CRKL: variants seen among roughly 807,000 people sequenced by gnomAD.
CRKL encodes the protein CRK like proto-oncogene, adaptor protein.
In CRKL, 3 loss-of-function variants were observed where a neutral mutation model predicts 23.0. The ratio of observed to expected loss-of-function variants is 0.13; its 90% CI spans 0.06 to 0.34. The LOEUF is 0.34. CRKL is among the 10% of genes least tolerant of loss of function. The pLI, the probability that CRKL is intolerant of heterozygous loss-of-function variation, is 1.00. For synonymous variants in CRKL, 188 were observed against 160.7 expected, an observed-to-expected ratio of 1.17 and a Z score of -1.28; for missense variants, 256 against 394.5, an observed-to-expected ratio of 0.65 and a Z score of 2.97.
At chr22:20,941,677 C>T (rs1055251213) in intron 2 of CRKL, among the ~76,000 whole-genome samples, 11 of 142,884 alleles carry the variant, frequency 7.7e-5, no homozygotes, top group Non-Finnish European at 1.5e-4. Flanking sequence ...TCACTGCAAC[C>T]TCTGCCTCCC....
At chr22:20,941,216 C>T (rs1235413110) in intron 2 of CRKL, among the ~76,000 whole-genome samples, 1 of 152,014 alleles carries the variant, frequency 6.6e-6, no homozygotes, top group Non-Finnish European at 1.5e-5. Context: ...TTAGCATTCA[C>T]CTTAAGCAAG....
Position 20,947,600 on chromosome 22 carries a change from A to G in CRKL, c.778-2111A>G, listed in dbSNP as rs189737869. Among the ~76,000 whole-genome samples the G allele has an allele frequency of 3.6e-4, 55 of 151,444 alleles. 1 individual carries two copies. The highest frequency in any genetic ancestry group is 1.3e-3 in the African/African-American group (54 of 41,248). ...GGTGATCCATCTGCCTTGGCCTCCCAAAGTGTTGGGATTACAGATGTGAGC... is the reference window on the plus strand; with the variant it reads ...GGTGATCCATCTGCCTTGGCCTCCCGAAGTGTTGGGATTACAGATGTGAGC... On this transcript the variant is annotated intron_variant, in intron 2 of 2. Transcript: ENST00000354336.
chr22:20,927,192 ATTT>A (rs532930393), intron 1 of CRKL, among the ~76,000 whole-genome samples: 3 of 81,966 alleles, frequency 3.7e-5, no homozygotes, highest in African/African-American at 5.9e-5. Context: ...TTGGAATTGA[ATTT>A]TTTTTTTTTT....
intron 2 of CRKL, among the ~76,000 whole-genome samples, chr22:20,941,127 G>A (rs913558148): frequency 6.6e-6 from 1 of 151,878 alleles, no homozygotes; most frequent in African/African-American, 2.4e-5. Context: ...CAGTGTAATG[G>A]GGCTTCTGTC....
chr22:20,929,546 C>A (rs575497772), intron 1 of CRKL, among the ~76,000 whole-genome samples: 1 of 152,144 alleles, frequency 6.6e-6, no homozygotes, highest in Admixed American at 6.5e-5. Context: ...TCACTGCAAC[C>A]TCCGCCTCCC....
chr22:20,927,917 TTTGGGAGGCC>T (rs1364293869), intron 1 of CRKL, among the ~76,000 whole-genome samples: 1 of 142,110 alleles, frequency 7.0e-6, no homozygotes, highest in African/African-American at 2.6e-5. Context: ...ATCCCAGCAC[TTTGGGAGGCC>T]GAGGGAGGCA....
intron 2 of CRKL, among the ~76,000 whole-genome samples, chr22:20,940,756 C>T (rs1316598172): frequency 1.3e-5 from 2 of 152,060 alleles, no homozygotes; most frequent in African/African-American, 4.8e-5. Flanking sequence ...TGGATTACAT[C>T]TGGTCTCTGT....
At chr22:20,947,841 C>T (rs893744539) in intron 2 of CRKL, among the ~76,000 whole-genome samples, 1 of 151,940 alleles carries the variant, frequency 6.6e-6, no homozygotes, top group Non-Finnish European at 1.5e-5. Context: ...GTGCATGCCA[C>T]CACGCCTGGC....
intron 1 of CRKL, among the ~76,000 whole-genome samples, chr22:20,919,171 GC>G (rs1442958973): frequency 1.3e-5 from 2 of 152,074 alleles, no homozygotes; most frequent in Non-Finnish European, 2.9e-5. Context: ...ATACTGTGGT[GC>G]CAAGTTTGAA....
chr22:20,921,591 CCT>C (rs1313796453), intron 1 of CRKL, among the ~76,000 whole-genome samples: 2 of 152,156 alleles, frequency 1.3e-5, no homozygotes, highest in Non-Finnish European at 2.9e-5. Flanking sequence ...AAGAACCCAG[CCT>C]AGGCAAGGCT....
At chr22:20,940,960 T>C (rs897856917) in intron 2 of CRKL, among the ~76,000 whole-genome samples, 5 of 152,170 alleles carry the variant, frequency 3.3e-5, no homozygotes, top group South Asian at 2.1e-4. Flanking sequence ...GTTTCATTAA[T>C]ACTGATTGGA....
intron 1 of CRKL, among the ~76,000 whole-genome samples, chr22:20,921,149 CAG>C (rs1316123168): frequency 3.3e-5 from 5 of 152,210 alleles, no homozygotes; most frequent in Non-Finnish European, 5.9e-5. Flanking sequence ...GCATCCCAAA[CAG>C]GGTACATTTA....
intron 2 of CRKL, among the ~76,000 whole-genome samples, chr22:20,941,009 C>T (rs562566577): frequency 6.6e-6 from 1 of 152,132 alleles, no homozygotes; most frequent in East Asian, 1.9e-4. Context: ...AAGAGATCAT[C>T]ATGAGTTCCT....
intron 2 of CRKL, among the ~76,000 whole-genome samples, chr22:20,943,684 G>A (rs1921956626): frequency 1.3e-5 from 2 of 152,148 alleles, no homozygotes; most frequent in Non-Finnish European, 2.9e-5. Context: ...AATAGACTTG[G>A]CACCCTAGTC....
At chr22:20,920,572 C>G (rs987197706) in intron 1 of CRKL, among the ~76,000 whole-genome samples, 32 of 152,158 alleles carry the variant, frequency 2.1e-4, no homozygotes, top group African/African-American at 7.5e-4. Flanking sequence ...CCGCTTCTCT[C>G]TATCCACAGA....
At position 20,952,932 on chromosome 22, in the gene CRKL, C is replaced by G. The variant is rs1922331454; in HGVS notation, c.*3087C>G. The G allele has an allele frequency of 4.3e-6, 1 of 231,210 alleles. No individual in the cohort carries two copies. The highest frequency in any genetic ancestry group is 1.3e-3 in the Middle Eastern group (1 of 766). The allele number at this position is 231,210 out of a possible 1,614,324, so 14.3% of individuals were successfully genotyped here. A position where few individuals can be genotyped will look rare whatever the true frequency, so the allele number is the denominator to read the frequency against. ...ACCCAGACTAGACACCTTCTGTGCT[C>G]ATGTTTGGAAAGCTGAAAGGGAAGG... is the stretch of plus-strand genomic sequence containing the variant. On this transcript the variant is annotated 3_prime_UTR_variant, in exon 3 of 3. Coordinates refer to ENST00000354336, the MANE Select transcript of CRKL (RefSeq NM_005207.4).
chr22:20,935,103 C>G (rs970649350), intron 2 of CRKL, among the ~76,000 whole-genome samples: 2 of 151,730 alleles, frequency 1.3e-5, no homozygotes, highest in Admixed American at 6.6e-5. Context: ...TGTGAGCCAC[C>G]GTGCCCGGCC....
Position 20,924,185 on chromosome 22 carries a change from C to T in CRKL, c.311+5940C>T, listed in dbSNP as rs114399903. 3.2e-3 allele frequency among the ~76,000 whole-genome samples: 484 copies of T among 152,100 alleles called. 1 individual carries two copies. Among genetic ancestry groups the T allele is most frequent in the African/African-American group, 0.011 (465 of 41,492 alleles). The stretch of plus-strand genomic sequence containing the variant: ...CCTGGGCAACAGAGCCAGACCTTGT[C>T]TCAAAAAATGAATGAATGAATGAAT... On this transcript the variant is annotated intron_variant, in intron 1 of 2. Transcript: ENST00000354336.
At chr22:20,949,572 A>C in intron 2 of CRKL, 139 bp from the exon 3 acceptor site, 1 of 1,178,588 alleles carries the variant, frequency 8.5e-7, no homozygotes, top group Non-Finnish European at 1.2e-6. Context: ...ACTACACTCC[A>C]GCATGGCTAA....
Sources: allele counts gnomAD v4.1 joint callset (sites outside exome capture counted in the v4.1 genomes callset), GRCh38; gene constraint gnomAD v4.1.1; transcripts MANE v1.5; gene names NCBI Gene and HGNC (gene_info 2026-07-23, HGNC 2026-07-21).